Variants in NEK1 observed in about 807,000 individuals in gnomAD.
NEK1 encodes the protein serine/threonine-protein kinase Nek1.
Under a neutral mutation model 182.1 loss-of-function variants are expected in NEK1, and 137 were observed. The ratio of observed to expected loss-of-function variants is 0.75; its 90% confidence interval spans 0.65 to 0.87. The LOEUF is 0.87. Ranked by LOEUF, NEK1 falls within the 40% of genes least tolerant of loss-of-function variation. The probability of loss-of-function intolerance (pLI) is 0.00; values close to 1 mark genes in which losing one functional copy is unlikely to be tolerated. For missense variants in NEK1, 1,391 were observed against 1,494.4 expected, an observed-to-expected ratio of 0.93 and a Z score of 1.14; for synonymous variants, 513 against 492.2, an observed-to-expected ratio of 1.04 and a Z score of -0.56.
chr4:169,446,379 A>C (rs1024451741), intron 27 of NEK1, among the ~76,000 whole-genome samples: 2 of 152,164 alleles, frequency 1.3e-5, no homozygotes, highest in Admixed American at 1.3e-4. Flanking sequence ...GTACCATGTG[A>C]AACTATTATG....
chr4:169,588,827 A>G, intron 7 of NEK1, 92 bp from the exon 8 acceptor site: 1 of 764,420 alleles, frequency 1.3e-6, no homozygotes, highest in East Asian at 2.7e-5. Flanking sequence ...CGCATATATG[A>G]TGCTGGTCCC....
chr4:169,451,139 G>A (rs1452740801), intron 27 of NEK1, among the ~76,000 whole-genome samples: 1 of 152,110 alleles, frequency 6.6e-6, no homozygotes, highest in African/African-American at 2.4e-5. Flanking sequence ...CATAAAGCAA[G>A]TTCTTAGATA....
intron 29 of NEK1, among the ~76,000 whole-genome samples, chr4:169,433,104 G>A (rs1737739658): frequency 6.6e-6 from 1 of 152,174 alleles, no homozygotes; most frequent in Non-Finnish European, 1.5e-5. Context: ...CTGTAGCCCA[G>A]GCTGGAGTGC....
chr4:169,606,658 C>T (rs1457792897), intron 2 of NEK1, among the ~76,000 whole-genome samples: 1 of 152,184 alleles, frequency 6.6e-6, no homozygotes, highest in Non-Finnish European at 1.5e-5. Context: ...CCACAGATAT[C>T]TCTAGATTGG....
chr4:169,456,613 GA>G (rs1317647176), intron 27 of NEK1, among the ~76,000 whole-genome samples: 3 of 152,136 alleles, frequency 2.0e-5, no homozygotes, highest in Non-Finnish European at 4.4e-5. Context: ...AAACTTAGAA[GA>G]AATGGATAAA....
At chr4:169,501,060 A>C (rs1295150486) in intron 23 of NEK1, among the ~76,000 whole-genome samples, 1 of 152,200 alleles carries the variant, frequency 6.6e-6, no homozygotes, top group Non-Finnish European at 1.5e-5. Context: ...GGGATGGAGA[A>C]AGATCACACA....
intron 27 of NEK1, among the ~76,000 whole-genome samples, chr4:169,445,013 G>T (rs1220395587): frequency 6.6e-6 from 1 of 152,154 alleles, no homozygotes; most frequent in African/African-American, 2.4e-5. Flanking sequence ...TTGAGTCAAC[G>T]AAGAAATTAA....
chr4:169,595,079 T>G (rs956792404), intron 5 of NEK1, among the ~76,000 whole-genome samples: 3 of 152,130 alleles, frequency 2.0e-5, no homozygotes, highest in African/African-American at 7.2e-5. Context: ...TACTGGCACT[T>G]CAGAAAATAG....
chr4:169,540,600 G>A (rs1201074088), intron 18 of NEK1, among the ~76,000 whole-genome samples: 1 of 152,040 alleles, frequency 6.6e-6, no homozygotes, highest in East Asian at 1.9e-4. Flanking sequence ...GAATTCACGT[G>A]AGCATGCTCT....
intron 31 of NEK1, among the ~76,000 whole-genome samples, chr4:169,411,100 C>T (rs1733597627): frequency 6.6e-6 from 1 of 152,180 alleles, no homozygotes. Flanking sequence ...CTCAGTCTTC[C>T]TGCTACTGGA....
At chr4:169,449,550 G>A (rs767931174) in intron 27 of NEK1, among the ~76,000 whole-genome samples, 1 of 152,162 alleles carries the variant, frequency 6.6e-6, no homozygotes, top group Non-Finnish European at 1.5e-5. Flanking sequence ...GGTCTGGAGT[G>A]GAACTCCAGC....
At chr4:169,409,093 T>C (rs1455997857) in intron 31 of NEK1, among the ~76,000 whole-genome samples, 3 of 152,224 alleles carry the variant, frequency 2.0e-5, no homozygotes, top group African/African-American at 7.2e-5. Context: ...CCACTAGCAG[T>C]GTAAAAGTGT....
At chr4:169,406,818 A>T (rs1732710875) in intron 31 of NEK1, 71 bp from the exon 32 acceptor site, 1 of 1,294,490 alleles carries the variant, frequency 7.7e-7, no homozygotes, top group Admixed American at 2.5e-5. Flanking sequence ...AGAAAACTAG[A>T]ACTAATCACA....
At chr4:169,473,697 CAACAT>C (rs1746440875) in intron 26 of NEK1, among the ~76,000 whole-genome samples, 1 of 151,746 alleles carries the variant, frequency 6.6e-6, no homozygotes, top group Non-Finnish European at 1.5e-5. Flanking sequence ...CCAGCCTGGG[CAACAT>C]AGCAAAACAC....
intron 35 of NEK1, among the ~76,000 whole-genome samples, chr4:169,396,195 G>A (rs1410214005): frequency 6.6e-6 from 1 of 151,438 alleles, no homozygotes; most frequent in Non-Finnish European, 1.5e-5. Context: ...GTGAAACCCT[G>A]TCTCTACTAA....
intron 31 of NEK1, among the ~76,000 whole-genome samples, chr4:169,424,138 G>A (rs924267549): frequency 6.6e-5 from 10 of 152,066 alleles, no homozygotes; most frequent in Admixed American, 1.3e-4. Flanking sequence ...AAAGAGGTCC[G>A]AAAAACTTCT....
intron 29 of NEK1, among the ~76,000 whole-genome samples, chr4:169,428,351 G>GATATATGTATATAT: frequency 1.1e-5 from 1 of 93,224 alleles, no homozygotes; most frequent in Admixed American, 1.4e-4. Flanking sequence ...AAATATATGG[G>GATATATGTATATAT]ATATATATAT....
At chr4:169,586,291 T>C (rs1767525641) in intron 9 of NEK1, among the ~76,000 whole-genome samples, 1 of 152,036 alleles carries the variant, frequency 6.6e-6, no homozygotes, top group African/African-American at 2.4e-5. Context: ...TAAAATGTAC[T>C]ATAAATTAGG....
At chr4:169,412,383 T>C (rs1022121112) in intron 31 of NEK1, among the ~76,000 whole-genome samples, 3 of 152,218 alleles carry the variant, frequency 2.0e-5, no homozygotes, top group Non-Finnish European at 4.4e-5. Context: ...AGTGTTTCCC[T>C]AGACTGATTT....
Sources: gnomAD v4.1 joint callset for allele counts (sites outside exome capture counted in the v4.1 genomes callset) on GRCh38, gnomAD v4.1.1 for gene constraint, MANE v1.5 for transcripts, NCBI Gene and HGNC (gene_info 2026-07-23, HGNC 2026-07-21) for gene names.